Variants in PCDH9 observed in about 807,000 individuals in gnomAD.
PCDH9 encodes protocadherin-9.
PCDH9 carries 24 observed loss-of-function variants against 70.6 expected under a neutral mutation model. The ratio of observed to expected loss-of-function variants is 0.34; its 90% CI spans 0.25 to 0.48. The LOEUF is 0.48. Among genes scored for constraint, PCDH9 ranks in the 20% least tolerant of loss-of-function variants. The pLI is 0.99. For synonymous variants in PCDH9, 562 were observed against 558.5 expected (o/e 1.01, Z -0.09); for missense variants, 1,281 against 1,503.6 (o/e 0.85, Z 2.45).
chr13:66,747,209 G>C (rs569523261), intron 3 of PCDH9, among the ~76,000 whole-genome samples: 1 of 152,202 alleles, frequency 6.6e-6, no homozygotes, highest in Admixed American at 6.5e-5. Flanking sequence ...AAATTAGCCA[G>C]ATATGGTGGT....
At chr13:66,321,640 T>C (rs1955756699) in intron 4 of PCDH9, among the ~76,000 whole-genome samples, 1 of 152,004 alleles carries the variant, frequency 6.6e-6, no homozygotes, top group South Asian at 2.1e-4. Context: ...TTAATTAAAA[T>C]GGTCACTATA....
At chr13:67,082,220 T>G (rs929484640) in intron 2 of PCDH9, among the ~76,000 whole-genome samples, 13 of 152,166 alleles carry the variant, frequency 8.5e-5, no homozygotes, top group African/African-American at 3.1e-4. Flanking sequence ...AACTGAAAAT[T>G]TGTATCCTTT....
intron 3 of PCDH9, among the ~76,000 whole-genome samples, chr13:66,767,608 A>T (rs560114604): frequency 1.3e-5 from 2 of 152,036 alleles, no homozygotes; most frequent in Non-Finnish European, 2.9e-5. Flanking sequence ...TTCAGGAAAG[A>T]GTTATGTTGA....
At chr13:66,357,696 G>C (rs184655716) in intron 4 of PCDH9, among the ~76,000 whole-genome samples, 1 of 151,988 alleles carries the variant, frequency 6.6e-6, no homozygotes, top group African/African-American at 2.4e-5. Flanking sequence ...GCAAGACCGT[G>C]ACGAATAACA....
intron 4 of PCDH9, among the ~76,000 whole-genome samples, chr13:66,352,863 C>A (rs994149681): frequency 5.9e-5 from 9 of 152,106 alleles, no homozygotes; most frequent in African/African-American, 2.2e-4. Context: ...CTGATTGTCA[C>A]GAACATCTGG....
intron 2 of PCDH9, among the ~76,000 whole-genome samples, chr13:67,182,454 A>G (rs1003305257): frequency 6.6e-6 from 1 of 152,118 alleles, no homozygotes; most frequent in African/African-American, 2.4e-5. Flanking sequence ...GCTATATCTT[A>G]GTCCAAACTA....
At chr13:66,867,911 G>T (rs1326421401) in intron 3 of PCDH9, among the ~76,000 whole-genome samples, 3 of 151,754 alleles carry the variant, frequency 2.0e-5, no homozygotes, top group Non-Finnish European at 4.4e-5. Flanking sequence ...AAGTTGATGG[G>T]CAAATTAATG....
intron 3 of PCDH9, among the ~76,000 whole-genome samples, chr13:66,636,856 G>GAAAAAAAAA (rs2077644935): frequency 6.6e-6 from 1 of 151,892 alleles, no homozygotes; most frequent in East Asian, 1.9e-4. Context: ...ATTCAAACAT[G>GAAAAAAAAA]TTTTTGCTAT....
intron 3 of PCDH9, among the ~76,000 whole-genome samples, chr13:66,859,369 C>T (rs1467113815): frequency 2.6e-5 from 4 of 152,254 alleles, no homozygotes; most frequent in African/African-American, 9.6e-5. Context: ...TGTATTTGAA[C>T]AAGAAGGGCC....
chr13:66,348,376 A>G (rs760513104), intron 4 of PCDH9, among the ~76,000 whole-genome samples: 17 of 145,082 alleles, frequency 1.2e-4, no homozygotes. Context: ...AAAAATTTCA[A>G]CAACAAAAAG....
At chr13:66,824,443 G>T (rs1354311362) in intron 3 of PCDH9, among the ~76,000 whole-genome samples, 1 of 148,598 alleles carries the variant, frequency 6.7e-6, no homozygotes, top group Non-Finnish European at 1.5e-5. Context: ...AACACCTGAG[G>T]TCAGGAGTTT....
At chr13:66,641,449 G>A (rs533544232) in intron 3 of PCDH9, among the ~76,000 whole-genome samples, 1 of 152,190 alleles carries the variant, frequency 6.6e-6, no homozygotes, top group Non-Finnish European at 1.5e-5. Context: ...TGTAGGTAAA[G>A]ATCCTAATTA....
chr13:66,774,815 C>G (rs1289992547), intron 3 of PCDH9, among the ~76,000 whole-genome samples: 1 of 152,148 alleles, frequency 6.6e-6, no homozygotes, highest in Non-Finnish European at 1.5e-5. Context: ...AACTTTTTGC[C>G]AGTGTTCACA....
intron 2 of PCDH9, among the ~76,000 whole-genome samples, chr13:66,991,858 A>G (rs1191432794): frequency 1.3e-5 from 2 of 152,180 alleles, no homozygotes; most frequent in Non-Finnish European, 2.9e-5. Flanking sequence ...AAGATGTAAC[A>G]TAAAAATCAT....
At chr13:66,683,005 T>C (rs753971366) in intron 3 of PCDH9, among the ~76,000 whole-genome samples, 1 of 152,160 alleles carries the variant, frequency 6.6e-6, no homozygotes, top group Non-Finnish European at 1.5e-5. Flanking sequence ...TAGAAACAAA[T>C]GGCAGAGGTT....
chr13:66,949,435 C>T (rs556705843), intron 2 of PCDH9, among the ~76,000 whole-genome samples: 49 of 152,020 alleles, frequency 3.2e-4, no homozygotes, highest in Non-Finnish European at 6.8e-4. Context: ...TTCAAACCTT[C>T]GAAAAAGCAT....
chr13:66,958,980 TA>T (rs1305243350), intron 2 of PCDH9, among the ~76,000 whole-genome samples: 1 of 152,240 alleles, frequency 6.6e-6, no homozygotes, highest in Admixed American at 6.5e-5. Context: ...ACTCAACCTT[TA>T]GCTTTTCTTC....
intron 2 of PCDH9, among the ~76,000 whole-genome samples, chr13:67,152,460 T>G (rs1222521854): frequency 6.6e-6 from 1 of 152,216 alleles, no homozygotes; most frequent in Non-Finnish European, 1.5e-5. Context: ...TCTTCAATTT[T>G]TCAACAACAG....
intron 4 of PCDH9, among the ~76,000 whole-genome samples, chr13:66,468,761 A>C (rs978371370): frequency 2.6e-5 from 4 of 152,116 alleles, no homozygotes; most frequent in Admixed American, 1.3e-4. Flanking sequence ...CCATATCTAC[A>C]AGTATCACTT....
Sources: gnomAD v4.1 joint callset for allele counts (sites outside exome capture counted in the v4.1 genomes callset) on GRCh38, gnomAD v4.1.1 for gene constraint, MANE v1.5 for transcripts, NCBI Gene and HGNC (gene_info 2026-07-23, HGNC 2026-07-21) for gene names.